The following ZNF335 variants were observed in gnomAD, a reference collection of about 807,000 sequenced individuals.
ZNF335 encodes the protein NRC-interacting factor 1.
A neutral mutation model predicts 145.6 loss-of-function variants in ZNF335; 84 were observed. That is an observed-to-expected ratio of 0.58 (90% CI 0.48 to 0.69). The LOEUF (loss-of-function observed/expected upper bound fraction) is 0.69, where lower values mean the gene tolerates loss of function less well. Ranked by LOEUF, ZNF335 falls within the 30% of genes least tolerant of loss-of-function variation. ZNF335 has a pLI of 0.00. For missense variants in ZNF335, 1,865 were observed against 1,809.7 expected, an observed-to-expected ratio of 1.03 and a Z score of -0.55; for synonymous variants, 761 against 717.0, an observed-to-expected ratio of 1.06 and a Z score of -0.98.
intron 6 of ZNF335, 56 bp downstream of exon 6, chr20:45,967,438 G>C: frequency 6.2e-7 from 1 of 1,613,788 alleles, no homozygotes; most frequent in Non-Finnish European, 8.5e-7. Context: ...TGAAAGCTCA[G>C]TGAGTATGTC....
intron 9 of ZNF335, among the ~76,000 whole-genome samples, chr20:45,962,808 TTTTTTTGTTTGTTTG>T (rs1398740832): frequency 4.8e-5 from 5 of 103,884 alleles, no homozygotes; most frequent in Middle Eastern, 4.3e-3. Context: ...ACCGTTTTTT[TTTTTTTGTTTGTTTG>T]TTTTTTTGAG....
In ZNF335 at chr20:45,959,261, C is replaced by A; in HGVS notation, c.2193G>T (p.Glu731Asp). 1 of 1,512,868 alleles carries A rather than the reference C, an allele frequency of 6.6e-7. No homozygotes were observed. The highest frequency in any genetic ancestry group is 8.9e-7 in the Non-Finnish European group (1 of 1,122,228). The allele number at this position is 1,512,868 out of a possible 1,614,324, so 93.7% of individuals were successfully genotyped here. A position where few individuals can be genotyped will look rare whatever the true frequency, so the allele number is the denominator to read the frequency against. The change falls in exon 15 of 28, where the codon GAG becomes GAT. Residue 731 changes from glutamate to aspartate, a missense_variant. Coordinates refer to ENST00000322927, the MANE Select transcript of ZNF335 (RefSeq NM_022095.4). ...GGGCCGCACTGTGCTGCTGCTTCAG[C>A]TCCTCAATCTGCTGCAGAGAGAAGA... ...RPFFSLQQIE[E>D]LKQQHSAAPG...
chr20:45,964,683 T>C (rs1305683299), intron 7 of ZNF335, among the ~76,000 whole-genome samples: 1 of 152,170 alleles, frequency 6.6e-6, no homozygotes, highest in African/African-American at 2.4e-5. Flanking sequence ...CTGGGCAGAA[T>C]ATGTGTAACT....
chr20:45,962,907 G>A (rs962005281), intron 9 of ZNF335, among the ~76,000 whole-genome samples: 4 of 149,144 alleles, frequency 2.7e-5, no homozygotes, highest in Non-Finnish European at 5.9e-5. Flanking sequence ...TCTGCCTCCC[G>A]GGTTCAAGCG....
In ZNF335 at chr20:45,962,077, G is replaced by A. The variant is rs1389170433; in HGVS notation, c.1639C>T (p.Arg547Trp). 3.0e-6 allele frequency: 4 copies of A among 1,343,604 alleles called. No homozygotes were observed. The highest frequency in any genetic ancestry group is 1.2e-5 in the South Asian group (1 of 86,840). The allele number at this position is 1,343,604 out of a possible 1,614,324, so 83.2% of individuals were successfully genotyped here. A position where few individuals can be genotyped will look rare whatever the true frequency, so the allele number is the denominator to read the frequency against. The change falls in exon 10 of 28, where the codon CGG (arginine) becomes TGG (tryptophan). Residue 547 changes from arginine to tryptophan, a missense_variant. Physicochemically the swap from Arg to Trp is moderately radical, Grantham distance 101. Transcript: ENST00000322927. ...DVIRHAAVHS[R>W]DRKKRPDPTP... ...TCCCACCCCCACACTGACCGGTCCC[G>A]GCTGTGCACAGCGGCGTGCCGAATG...
In ZNF335 at chr20:45,962,146, T is replaced by C. The variant is rs2083854610; in HGVS notation, c.1570A>G (p.Lys524Glu). 2 of 1,614,112 alleles carry C rather than the reference T, an allele frequency of 1.2e-6. No individual in the cohort carries two copies. The highest frequency in any genetic ancestry group is 1.3e-5 in the African/African-American group (1 of 75,038). Residue 524 changes from lysine (K) to glutamate (E), a missense_variant, in exon 10 of 28, where the codon AAG becomes GAG. By Grantham distance (56) the Lys-to-Glu change is moderately conservative (BLOSUM62 1). Transcript: ENST00000322927. ...CTGGTGTAGCTGCACTCGTCACACT[T>C]GTAGGGCTTGCTGCCCACGTGGTTG... ...MFNHVGSKPY[K>E]CDECSYTSVY...
At position 45,967,913 on chromosome 20, in the gene ZNF335, CCA is replaced by C; in HGVS notation, c.633_634del (p.Gly212AlafsTer69). Reference sequence around the variant, plus strand: ...GGGCAGCTGCACCGGGGAGCTGGGCCCACCCTGTGCCTCCAGGCATGTGGATG... The same window carrying C: ...GGGCAGCTGCACCGGGGAGCTGGGCCCCCTGTGCCTCCAGGCATGTGGATG... On this transcript the variant is annotated frameshift_variant, in exon 5 of 28. Transcript: ENST00000322927. LOFTEE classifies it high-confidence loss of function. The C allele has an allele frequency of 6.2e-7, 1 of 1,612,444 alleles. No individual in the cohort carries two copies. The highest frequency in any genetic ancestry group is 8.5e-7 in the Non-Finnish European group (1 of 1,179,582).
In ZNF335 at chr20:45,971,416, C is replaced by T. The variant is rs745325200; in HGVS notation, c.-6G>A. The T allele has an allele frequency of 6.3e-7, 1 of 1,599,406 alleles. No homozygotes were observed. The highest frequency in any genetic ancestry group is 8.5e-7 in the Non-Finnish European group (1 of 1,179,588). On this transcript the variant is annotated 5_prime_UTR_variant, in exon 2 of 28. Transcript: ENST00000322927. ...TCCACCTCGTTCTCCTCCATCTGAT[C>T]GGCGGGCTGCCTGACAGCGGGGCGT...
intron 9 of ZNF335, among the ~76,000 whole-genome samples, 156 bp from the exon 10 acceptor site, chr20:45,962,338 T>C (rs2145396031): frequency 6.6e-6 from 1 of 152,222 alleles, no homozygotes; most frequent in East Asian, 1.9e-4. Context: ...GGTCAAAACC[T>C]AGGAAGGCCC....
chr20:45,963,413 C>A, intron 9 of ZNF335, 60 bp downstream of exon 9: 1 of 1,555,038 alleles, frequency 6.4e-7, no homozygotes, highest in Admixed American at 1.8e-5. Context: ...GTGGCACCAG[C>A]TGGCCTCTGC....
intron 6 of ZNF335, chr20:45,967,190 C>A: frequency 2.7e-6 from 1 of 363,682 alleles, no homozygotes; most frequent in Non-Finnish European, 5.2e-6. Flanking sequence ...TAACAGTGAG[C>A]AACGATCATG....
At chr20:45,962,250 C>T (rs1157218905) in intron 9 of ZNF335, 68 bp from the exon 10 acceptor site, 2 of 1,250,964 alleles carry the variant, frequency 1.6e-6, no homozygotes, top group Admixed American at 3.4e-5. Context: ...CCCCACCATG[C>T]CTGTGGCCAC....
chr20:45,957,159 G>C (rs1647314989), intron 17 of ZNF335, among the ~76,000 whole-genome samples: 1 of 152,174 alleles, frequency 6.6e-6, no homozygotes, highest in African/African-American at 2.4e-5. Context: ...GCGAGAGAGT[G>C]GTCTGATCTA....
In ZNF335 at chr20:45,968,301, T is replaced by A; in HGVS notation, c.504A>T (p.Leu168=). The A allele has an allele frequency of 6.2e-7, 1 of 1,613,382 alleles. No homozygotes were observed. Among genetic ancestry groups the A allele is most frequent in the East Asian group, 2.2e-5 (1 of 44,848 alleles). ...GGGTCTTACCATCATCTGGGCCCTG[T>A]AGGATCAGGTACCGTGTGGTCTCGG... The part of the protein sequence containing the change: ...GGAETTRYLI[L]QGPDDGAPMT... The change falls in exon 4 of 28, where the codon CTA becomes CTT. Residue 168 remains leucine (L), a synonymous_variant. Coordinates refer to ENST00000322927, the MANE Select transcript of ZNF335 (RefSeq NM_022095.4).
rs746454307 is a variant in ZNF335 at position 45,972,164 on chromosome 20, A to G, written c.-93T>C. On this transcript the variant is annotated 5_prime_UTR_variant, in exon 1 of 28. Coordinates refer to ENST00000322927, the MANE Select transcript of ZNF335 (RefSeq NM_022095.4). ...ACGTTCCTCTCTGACTCCGGCATCG[A>G]CGAGGTCGCCATCCTCTTTCCTCCG... 2.4e-5 allele frequency: 31 copies of G among 1,289,196 alleles called. No homozygotes were observed. The South Asian group carries it at 3.8e-4, about 16-fold the overall frequency. 79.9% of individuals were successfully genotyped at this position (1,289,196 alleles called of 1,614,324 possible).
At chr20:45,969,419 A>G (rs779713507) in intron 3 of ZNF335, 32 bp downstream of exon 3, 3 of 1,478,554 alleles carry the variant, frequency 2.0e-6, no homozygotes, top group East Asian at 4.7e-5. Context: ...CACTGCAGGA[A>G]AACCCCTGTG....
At chr20:45,967,686 C>T (rs1172200835) in intron 5 of ZNF335, 48 bp downstream of exon 5, 1 of 1,609,050 alleles carries the variant, frequency 6.2e-7, no homozygotes. Flanking sequence ...CTCCCAGCAC[C>T]CCACCCCTAC....
rs1182505503 is a variant in ZNF335 at position 45,953,925 on chromosome 20, A to G, written c.2466T>C (p.Asp822=). The G allele has an allele frequency of 2.5e-6, 4 of 1,604,676 alleles. No individual in the cohort carries two copies. The African/African-American group carries it at 4.0e-5, about 16-fold the overall frequency. Residue 822 remains aspartate (D), a synonymous_variant, in exon 18 of 28, where the codon GAT becomes GAC. Transcript: ENST00000322927. The part of the protein sequence containing the change: ...ALQVAVVKSE[D]VEAGLASPGG... ...CAGGGGATGCTAACCCTGCTTCCACATCTTCCGACTTCACCACAGCCACCT... is the reference window on the plus strand; with the variant it reads ...CAGGGGATGCTAACCCTGCTTCCACGTCTTCCGACTTCACCACAGCCACCT...
At chr20:45,972,048 C>T (rs1223320226) in intron 1 of ZNF335, 74 bp downstream of exon 1, 3 of 1,258,532 alleles carry the variant, frequency 2.4e-6, no homozygotes, top group Non-Finnish European at 3.1e-6. Context: ...GACCTCGCCT[C>T]CGGGTATCCC....
Sources: allele counts gnomAD v4.1 joint callset (sites outside exome capture counted in the v4.1 genomes callset), GRCh38; gene constraint gnomAD v4.1.1; transcripts MANE v1.5; gene names NCBI Gene and HGNC (gene_info 2026-07-23, HGNC 2026-07-21).